CROCC2: variants seen among roughly 807,000 people sequenced by gnomAD.
CROCC2 encodes ciliary rootlet coiled-coil, rootletin family member 2, also known as ciliary rootlet coiled-coil protein 2.
CROCC2 carries 163 observed loss-of-function variants against 177.6 expected under a neutral mutation model. The observed-to-expected ratio is 0.92, with a 90% CI of 0.81 to 1.05. CROCC2 has a LOEUF of 1.05. CROCC2 is among the 50% of genes least tolerant of loss of function. The pLI is 0.00. For missense variants in CROCC2, 1,929 were observed against 1,797.8 expected (o/e 1.07, Z -1.32); for synonymous variants, 904 against 787.3 (o/e 1.15, Z -2.48).
chr2:240,948,322 G>A (rs2059535096), intron 15 of CROCC2, among the ~76,000 whole-genome samples: 1 of 152,126 alleles, frequency 6.6e-6, no homozygotes, highest in Non-Finnish European at 1.5e-5. Flanking sequence ...GCGGTGGCCA[G>A]AAAGATGGAA....
chr2:240,927,894 G>T (rs559120678), intron 5 of CROCC2, among the ~76,000 whole-genome samples: 1 of 152,154 alleles, frequency 6.6e-6, no homozygotes, highest in Non-Finnish European at 1.5e-5. Flanking sequence ...CAGGTGATCC[G>T]CCTGCCTCAG....
chr2:240,991,359 G>A (rs763286417), intron 31 of CROCC2, 81 bp downstream of exon 31: 2 of 1,297,506 alleles, frequency 1.5e-6, no homozygotes, highest in Admixed American at 4.9e-5. Flanking sequence ...TGGGGAAGGT[G>A]CTGGAGGCCC....
chr2:240,975,137 G>A (rs78357181), intron 27 of CROCC2, among the ~76,000 whole-genome samples: 1 of 152,222 alleles, frequency 6.6e-6, no homozygotes, highest in East Asian at 1.9e-4. Flanking sequence ...AAGAATAGAT[G>A]TTTGAGATTT....
chr2:240,914,407 G>A (rs192293876), intron 1 of CROCC2, among the ~76,000 whole-genome samples: 4 of 152,344 alleles, frequency 2.6e-5, no homozygotes, highest in East Asian at 3.9e-4. Flanking sequence ...ATGCTGGCGC[G>A]CGCCTTCACT....
At chr2:240,926,423 C>G (rs927909007) in intron 5 of CROCC2, among the ~76,000 whole-genome samples, 4 of 152,102 alleles carry the variant, frequency 2.6e-5, no homozygotes, top group African/African-American at 9.6e-5. Flanking sequence ...TCTCCATGGT[C>G]GTGGGACCCC....
intron 28 of CROCC2, among the ~76,000 whole-genome samples, chr2:240,987,818 G>A (rs2059850616): frequency 6.6e-6 from 1 of 152,248 alleles, no homozygotes; most frequent in Non-Finnish European, 1.5e-5. Flanking sequence ...GCAGAGCCTG[G>A]AGGCAGCCTG....
At chr2:240,913,068 G>A (rs1013429526) in intron 1 of CROCC2, among the ~76,000 whole-genome samples, 1 of 152,226 alleles carries the variant, frequency 6.6e-6, no homozygotes, top group African/African-American at 2.4e-5. Context: ...GGGCCACTGT[G>A]CTAACAACAC....
chr2:240,940,365 T>C (rs939815899), intron 14 of CROCC2, among the ~76,000 whole-genome samples: 5 of 152,206 alleles, frequency 3.3e-5, no homozygotes, highest in Admixed American at 1.3e-4. Flanking sequence ...TGATATCTAC[T>C]TTTTTGATAT....
chr2:240,933,459 TCC>T, intron 10 of CROCC2, 117 bp downstream of exon 10: 1 of 1,192,946 alleles, frequency 8.4e-7, no homozygotes, highest in Non-Finnish European at 1.1e-6. Flanking sequence ...CGGGGAGGGG[TCC>T]TTGCCTTCTA....
chr2:240,988,633 AATT>A, intron 28 of CROCC2, 103 bp from the exon 29 acceptor site: 1 of 1,173,958 alleles, frequency 8.5e-7, no homozygotes, highest in South Asian at 3.4e-5. Flanking sequence ...CTCTTAGGGG[AATT>A]CAGAGTCCTT....
chr2:240,929,028 A>G (rs2059411547), intron 5 of CROCC2, among the ~76,000 whole-genome samples: 1 of 151,300 alleles, frequency 6.6e-6, no homozygotes, highest in South Asian at 2.1e-4. Context: ...TGTAATGGGC[A>G]CAGAGGGGCA....
intron 14 of CROCC2, among the ~76,000 whole-genome samples, chr2:240,936,382 G>A (rs896330917): frequency 9.2e-5 from 14 of 152,094 alleles, no homozygotes; most frequent in African/African-American, 3.1e-4. Context: ...GCTCTGATGT[G>A]CAGCACCACG....
At chr2:240,948,078 T>C (rs892098200) in intron 15 of CROCC2, among the ~76,000 whole-genome samples, 1 of 151,970 alleles carries the variant, frequency 6.6e-6, no homozygotes, top group African/African-American at 2.4e-5. Flanking sequence ...AAGGAAAGGT[T>C]TCCTACACGC....
At chr2:240,969,340 C>G (rs1426160158) in intron 27 of CROCC2, among the ~76,000 whole-genome samples, 1 of 152,222 alleles carries the variant, frequency 6.6e-6, no homozygotes. Flanking sequence ...CAGGCAGGCT[C>G]TGAGTTCCCA....
chr2:240,929,078 G>A (rs1486105602), intron 5 of CROCC2, among the ~76,000 whole-genome samples: 1 of 151,898 alleles, frequency 6.6e-6, no homozygotes, highest in Non-Finnish European at 1.5e-5. Context: ...AATGGACACA[G>A]AGGGATGTGT....
chr2:240,922,364 C>A (rs759421247), intron 3 of CROCC2, among the ~76,000 whole-genome samples, 175 bp from the exon 4 acceptor site: 5 of 152,210 alleles, frequency 3.3e-5, no homozygotes, highest in Non-Finnish European at 7.3e-5. Flanking sequence ...GGCCACCTGT[C>A]GGGTTCATTG....
At position 240,960,042 on chromosome 2, in the gene CROCC2, T is replaced by G. The variant is rs186696523; in HGVS notation, c.3087+598T>G. Among the ~76,000 whole-genome samples, 1,358 of 152,174 alleles carry G rather than the reference T, an allele frequency of 8.9e-3. 10 individuals are homozygous for G. The highest frequency in any genetic ancestry group is 0.018 in the Admixed American group (268 of 15,290). On this transcript the variant is annotated intron_variant, in intron 20 of 31. Transcript: ENST00000690015. This position sits in a 1 kb window ranked among gnomAD's most constrained non-coding sequence, Gnocchi z 5.0. ...GCCGGCCCCCTCGTTCCACGCACAG[T>G]TAAGAAAGTGGAGTCAGGAAGGGCC...
At chr2:240,943,805 G>A (rs904607034) in intron 14 of CROCC2, among the ~76,000 whole-genome samples, 2 of 152,026 alleles carry the variant, frequency 1.3e-5, no homozygotes, top group African/African-American at 4.8e-5. Flanking sequence ...GGATACTGAG[G>A]CTCTACACCC....
At chr2:240,938,892 T>A in intron 14 of CROCC2, among the ~76,000 whole-genome samples, 1 of 152,174 alleles carries the variant, frequency 6.6e-6, no homozygotes, top group East Asian at 1.9e-4. Flanking sequence ...TTATTTTGAG[T>A]CATGTGACCT....
Sources: allele counts gnomAD v4.1 joint callset (sites outside exome capture counted in the v4.1 genomes callset), GRCh38; gene constraint gnomAD v4.1.1; non-coding constraint Gnocchi (gnomAD v3.1); transcripts MANE v1.5; gene names NCBI Gene and HGNC (gene_info 2026-07-23, HGNC 2026-07-21).